Variants in DOCK1 observed in about 807,000 individuals in gnomAD.
DOCK1 encodes the protein dedicator of cytokinesis 1.
In DOCK1, 138 loss-of-function variants were observed where a neutral mutation model predicts 262.7. The observed-to-expected ratio is 0.53, with a 90% CI of 0.46 to 0.61. The LOEUF is 0.61. DOCK1 is among the 20% of genes least tolerant of loss of function. The probability of loss-of-function intolerance (pLI) is 0.00; values close to 1 mark genes in which losing one functional copy is unlikely to be tolerated. For missense variants in DOCK1, 1,908 were observed against 2,370.7 expected (o/e 0.80, Z 4.05); for synonymous variants, 866 against 867.4 (o/e 1.00, Z 0.03).
Position 126,995,233 on chromosome 10 carries a change from C to T in DOCK1, c.474-1515C>T, listed in dbSNP as rs1483007615. On this transcript the variant is annotated intron_variant, in intron 6 of 51. Coordinates refer to ENST00000623213, the MANE Select transcript of DOCK1 (RefSeq NM_001290223.2). The surrounding 1 kb of genome is among the most constrained non-coding windows in gnomAD (Gnocchi z 5.8). The stretch of plus-strand genomic sequence containing the variant: ...GCAGACACGCTCCTCACTTCCCAGA[C>T]GGGGTGGCGGCCGGGCAGAGGCTGC... Among the ~76,000 whole-genome samples the T allele has an allele frequency of 6.6e-5, 10 of 152,010 alleles. No individual in the cohort carries two copies. Among genetic ancestry groups the T allele is most frequent in the East Asian group, 3.9e-4 (2 of 5,164 alleles).
chr10:126,953,741 GTGT>G (rs1341568050), intron 1 of DOCK1, among the ~76,000 whole-genome samples: 9 of 152,082 alleles, frequency 5.9e-5, no homozygotes, highest in Non-Finnish European at 1.3e-4. Context: ...TGTTCCACGT[GTGT>G]TGGGGTTAGA....
rs1413476122 is a variant in DOCK1 at position 126,949,776 on chromosome 10, G to T, written c.47-20926G>T. Among the ~76,000 whole-genome samples the T allele has an allele frequency of 4.6e-5, 7 of 152,190 alleles. No homozygotes were observed. The East Asian group carries it at 1.4e-3, about 29-fold the overall frequency. ...TGTGACAGTCCTTGTATGATATTGG[G>T]TGATATTTCTTGTGACTTTTGTTTT... On this transcript the variant is annotated intron_variant, in intron 1 of 51. Coordinates refer to ENST00000623213, the MANE Select transcript of DOCK1 (RefSeq NM_001290223.2).
intron 16 of DOCK1, among the ~76,000 whole-genome samples, 190 bp from the exon 17 acceptor site, chr10:127,031,460 C>A (rs2043234607): frequency 6.6e-6 from 1 of 152,028 alleles, no homozygotes; most frequent in Admixed American, 6.6e-5. Context: ...ACAACTGATC[C>A]CTTTATGCTA....
At chr10:126,989,591 T>C (rs549460453) in intron 5 of DOCK1, among the ~76,000 whole-genome samples, 2 of 152,298 alleles carry the variant, frequency 1.3e-5, no homozygotes, top group South Asian at 4.1e-4. Flanking sequence ...CTTCCCAAAG[T>C]GCTAGGATTA....
chr10:126,960,672 G>A (rs2037122846), intron 1 of DOCK1, among the ~76,000 whole-genome samples: 1 of 150,022 alleles, frequency 6.7e-6, no homozygotes, highest in Non-Finnish European at 1.5e-5. Context: ...CTTCTGGGAT[G>A]ATTGGATGAT....
intron 29 of DOCK1, among the ~76,000 whole-genome samples, chr10:127,284,880 C>A (rs2135311815): frequency 6.6e-6 from 1 of 152,268 alleles, no homozygotes; most frequent in East Asian, 1.9e-4. Flanking sequence ...CGCTTGTAAT[C>A]CCAGCACTTT....
In DOCK1 at chr10:126,999,442, G is replaced by A. The variant is rs1474840962; in HGVS notation, c.849+7G>A. ...TTTGCGAGCCGTGTTTACTGTAAGTGCACCCAAAGATGCTTAGTTGAATTG... is the reference window on the plus strand; with the variant it reads ...TTTGCGAGCCGTGTTTACTGTAAGTACACCCAAAGATGCTTAGTTGAATTG... On this transcript the variant is annotated splice_region_variant and intron_variant, in intron 9 of 51. Coordinates refer to ENST00000623213, the MANE Select transcript of DOCK1 (RefSeq NM_001290223.2). 6.2e-7 allele frequency: 1 copy of A among 1,611,346 alleles called. No individual in the cohort carries two copies. Among genetic ancestry groups the A allele is most frequent in the Non-Finnish European group, 8.5e-7 (1 of 1,178,310 alleles).
chr10:127,124,562 C>T (rs2255616), intron 25 of DOCK1, among the ~76,000 whole-genome samples: 114,374 of 151,902 alleles, frequency 0.75, 45,071 homozygotes, highest in South Asian at 0.89. Context: ...CCTTCCTCTG[C>T]TCTTATTGAA....
chr10:127,381,398 T>A (rs1318597418), intron 37 of DOCK1, 30 bp downstream of exon 37: 1 of 1,577,846 alleles, frequency 6.3e-7, no homozygotes, highest in South Asian at 1.2e-5. Context: ...ACCTTGATGA[T>A]TCTATTGTTA....
chr10:127,256,735 G>A (rs1055228054), intron 28 of DOCK1, among the ~76,000 whole-genome samples: 2 of 152,182 alleles, frequency 1.3e-5, no homozygotes, highest in African/African-American at 4.8e-5. Context: ...GAAGTACACA[G>A]CATCATCTAA....
chr10:127,065,124 C>G (rs1397827371), intron 23 of DOCK1, among the ~76,000 whole-genome samples: 1 of 152,194 alleles, frequency 6.6e-6, no homozygotes, highest in African/African-American at 2.4e-5. Flanking sequence ...ATTCTCCTGC[C>G]TCATCCTCCC....
chr10:127,378,693 T>C (rs2065660592), intron 35 of DOCK1, among the ~76,000 whole-genome samples: 1 of 152,172 alleles, frequency 6.6e-6, no homozygotes, highest in Non-Finnish European at 1.5e-5. Context: ...ATTAAAAATA[T>C]GAGTACAAAA....
intron 1 of DOCK1, among the ~76,000 whole-genome samples, chr10:126,943,664 G>T (rs1188289889): frequency 1.3e-5 from 2 of 152,172 alleles, no homozygotes; most frequent in Admixed American, 6.5e-5. Flanking sequence ...TGGCAAGTAA[G>T]TAGGCAGCCA....
intron 1 of DOCK1, among the ~76,000 whole-genome samples, chr10:126,958,108 C>T (rs2036893797): frequency 6.6e-6 from 1 of 152,144 alleles, no homozygotes; most frequent in South Asian, 2.1e-4. Context: ...TGGATCTCTT[C>T]CTATCTTGGG....
chr10:127,149,716 A>G (rs1260377486), intron 27 of DOCK1, among the ~76,000 whole-genome samples: 3 of 152,156 alleles, frequency 2.0e-5, no homozygotes, highest in East Asian at 1.9e-4. Flanking sequence ...TGACATTACA[A>G]TGTGTGAACA....
At chr10:127,314,626 T>C (rs1020430102) in intron 29 of DOCK1, among the ~76,000 whole-genome samples, 1 of 152,178 alleles carries the variant, frequency 6.6e-6, no homozygotes, top group Non-Finnish European at 1.5e-5. Flanking sequence ...TGTTGAAAAT[T>C]AGAGGTCACA....
chr10:127,107,164 A>G (rs1250751771), intron 24 of DOCK1, among the ~76,000 whole-genome samples: 2 of 152,142 alleles, frequency 1.3e-5, no homozygotes, highest in Non-Finnish European at 2.9e-5. Context: ...TCAATAGCAC[A>G]GTCCTCAACT....
intron 11 of DOCK1, among the ~76,000 whole-genome samples, chr10:127,009,798 G>A (rs953109002): frequency 6.6e-6 from 1 of 152,088 alleles, no homozygotes; most frequent in Non-Finnish European, 1.5e-5. Context: ...CCCTGTCCTT[G>A]GGGGCCCGGA....
chr10:127,315,141 G>A (rs1394297000), intron 29 of DOCK1, among the ~76,000 whole-genome samples: 1 of 152,158 alleles, frequency 6.6e-6, no homozygotes, highest in Non-Finnish European at 1.5e-5. Context: ...CACTTGGCAT[G>A]GCGGAGAGCT....
Sources: gnomAD v4.1 joint callset for allele counts (sites outside exome capture counted in the v4.1 genomes callset) on GRCh38, gnomAD v4.1.1 for gene constraint, Gnocchi (gnomAD v3.1) non-coding constraint, MANE v1.5 for transcripts, NCBI Gene and HGNC (gene_info 2026-07-23, HGNC 2026-07-21) for gene names.